The following RECQL5 variants were observed in gnomAD, a reference collection of about 807,000 sequenced individuals.
The protein encoded by RECQL5 is ATP-dependent DNA helicase Q5.
Under a neutral mutation model 103.4 loss-of-function variants are expected in RECQL5, and 88 were observed. The observed-to-expected ratio is 0.85, with a 90% CI of 0.72 to 1.02. RECQL5 has a LOEUF of 1.02. RECQL5 is among the 50% of genes least tolerant of loss of function. The pLI, the probability that RECQL5 is intolerant of heterozygous loss-of-function variation, is 0.00. For synonymous variants in RECQL5, 552 were observed against 507.9 expected (o/e 1.09, Z -1.17); for missense variants, 1,232 against 1,284.3 (o/e 0.96, Z 0.62).
At chr17:75,665,353 T>C (rs2059754679) in intron 2 of RECQL5, among the ~76,000 whole-genome samples, 181 bp from the exon 3 acceptor site, 1 of 152,206 alleles carries the variant, frequency 6.6e-6, no homozygotes, top group African/African-American at 2.4e-5. Flanking sequence ...CTGGGAAACT[T>C]GGATACATGC....
chr17:75,631,614 GGCGCAGGCAGGC>G lies in RECQL5; in HGVS notation c.1272_1283del (p.Pro425_Ala428del). 1 of 1,612,526 alleles carries G rather than the reference GGCGCAGGCAGGC, an allele frequency of 6.2e-7. No homozygotes were observed. Among genetic ancestry groups the G allele is most frequent in the Non-Finnish European group, 8.5e-7 (1 of 1,179,846 alleles). On this transcript the variant is annotated inframe_deletion, in exon 9 of 20. Transcript: ENST00000317905. ...GGTTCTGGCAGTGGTCGCAGCCTTT[GGCGCAGGCAGGC>G]AGCGCATCCCCGAAGTACTTGGCAA... is the stretch of plus-strand genomic sequence containing the variant.
chr17:75,641,058 C>G (rs1400094039), intron 8 of RECQL5: 3 of 1,269,050 alleles, frequency 2.4e-6, no homozygotes, highest in Non-Finnish European at 3.2e-6. Flanking sequence ...TGAGCCCTAC[C>G]AAGGAAACAA....
intron 8 of RECQL5, chr17:75,646,299 G>C (rs1317434676): frequency 6.6e-6 from 1 of 152,378 alleles, no homozygotes; most frequent in African/African-American, 2.4e-5. Context: ...CCCAGCCCCA[G>C]GGCTTCCTGA....
Position 75,640,180 on chromosome 17 carries a change from CCCAACAGGAAGCCAGCG to C in RECQL5, c.1230-8529_1230-8513del. 6.5e-7 allele frequency: 1 copy of C among 1,536,200 alleles called. No individual in the cohort carries two copies. The highest frequency in any genetic ancestry group is 8.8e-7 in the Non-Finnish European group (1 of 1,141,078). ...TGCCCCAGCAGAGCCCGGCAGGAGCCCCAACAGGAAGCCAGCGCGGCATGGCTGCCACCGACTTCGTG... is the reference window on the plus strand; with the variant it reads ...TGCCCCAGCAGAGCCCGGCAGGAGCCCGGCATGGCTGCCACCGACTTCGTG... On this transcript the variant is annotated intron_variant, in intron 8 of 19. Transcript: ENST00000317905. The surrounding 1 kb of genome is among the most constrained non-coding windows in gnomAD (Gnocchi z 4.6).
Position 75,631,684 on chromosome 17 carries a change from C to A in RECQL5, c.1230-16G>T, listed in dbSNP as rs575595326. 6.2e-7 allele frequency: 1 copy of A among 1,607,302 alleles called. No homozygotes were observed. Among genetic ancestry groups the A allele is most frequent in the South Asian group, 1.1e-5 (1 of 90,882 alleles). On this transcript the variant is annotated splice_polypyrimidine_tract_variant and intron_variant, in intron 8 of 19. Transcript: ENST00000317905. ...ATGGCGGCACCTGGAGCAGGCAGCA[C>A]CGCAGAGGTGAGGGGCGGAGAGCCC...
rs144686095 is a variant in RECQL5, at chr17:75,640,061, A to G, written c.1230-8393T>C. 1.1e-3 allele frequency: 1,368 copies of G among 1,261,172 alleles called. 12 individuals are homozygous for G. In the African/African-American group the frequency reaches 0.018, roughly 16 times the overall value. The allele number at this position is 1,261,172 out of a possible 1,614,324, so 78.1% of individuals were successfully genotyped here. A position where few individuals can be genotyped will look rare whatever the true frequency, so the allele number is the denominator to read the frequency against. On this transcript the variant is annotated intron_variant, in intron 8 of 19. Transcript: ENST00000317905. The surrounding 1 kb of genome is among the most constrained non-coding windows in gnomAD (Gnocchi z 4.6). Reference sequence around the variant, plus strand: ...AGGGGTGCAATGTGTGAGACCTGACAAACTTGTTCTGCGGGCTGCGGATGG... The same window carrying G: ...AGGGGTGCAATGTGTGAGACCTGACGAACTTGTTCTGCGGGCTGCGGATGG...
At chr17:75,641,075 G>A in intron 8 of RECQL5, 1 of 1,177,368 alleles carries the variant, frequency 8.5e-7, no homozygotes, top group Non-Finnish European at 1.2e-6. Context: ...ACAAGGGCTG[G>A]TATAGGTGCA....
chr17:75,628,651 C>A (rs1430550649), intron 17 of RECQL5, 21 bp downstream of exon 17: 1 of 1,574,732 alleles, frequency 6.4e-7, no homozygotes, highest in African/African-American at 1.4e-5. Flanking sequence ...TCCTCCCCAA[C>A]AGACTCATCC....
Position 75,629,416 on chromosome 17 carries a change from G to A in RECQL5, c.2007C>T (p.Ala669=). Residue 669 remains alanine, a synonymous_variant, in exon 16 of 20, where the codon GCC becomes GCT. Coordinates refer to ENST00000317905, the MANE Select transcript of RECQL5 (RefSeq NM_004259.7). ...FPKGSCPFQT[A]TELMETTRIR... Reference sequence around the variant, plus strand: ...TCCGAGTTGTCTCCATCAGTTCCGTGGCCGTCTGGAACGGGCAGGAGCCTT... The same window carrying A: ...TCCGAGTTGTCTCCATCAGTTCCGTAGCCGTCTGGAACGGGCAGGAGCCTT... 1.3e-6 allele frequency: 2 copies of A among 1,506,436 alleles called. No homozygotes were observed. The highest frequency in any genetic ancestry group is 1.4e-5 in the South Asian group (1 of 72,658). 93.3% of individuals were successfully genotyped at this position (1,506,436 alleles called of 1,614,324 possible).
At chr17:75,660,430 G>A (rs954446808) in intron 6 of RECQL5, among the ~76,000 whole-genome samples, 19 of 152,158 alleles carry the variant, frequency 1.2e-4, no homozygotes, top group African/African-American at 4.3e-4. Flanking sequence ...ACATTACGGT[G>A]GATAGTCTTT....
At chr17:75,663,605 C>T (rs1362495759) in intron 3 of RECQL5, among the ~76,000 whole-genome samples, 1 of 152,080 alleles carries the variant, frequency 6.6e-6, no homozygotes, top group East Asian at 1.9e-4. Context: ...GTTTAGAGCA[C>T]AGGCTCTGAA....
Position 75,665,126 on chromosome 17 carries a change from G to C in RECQL5, c.177C>G (p.Ser59=), listed in dbSNP as rs759089360. 1 of 1,612,092 alleles carries C rather than the reference G, an allele frequency of 6.2e-7. No individual in the cohort carries two copies. Among genetic ancestry groups the C allele is most frequent in the South Asian group, 1.1e-5 (1 of 90,656 alleles). The change falls in exon 3 of 20, where the codon TCC becomes TCG. Residue 59 remains serine, a synonymous_variant. Transcript: ENST00000317905. ...ACAGAGCAGGGAGCTGATAGCATAG[G>C]GATTTTCCTGCCCCTGTGGGCATGC... ...FVCMPTGAGK[S]LCYQLPALLA... is the part of the protein sequence containing the mutation.
chr17:75,633,369 A>T, intron 8 of RECQL5: 1 of 1,187,034 alleles, frequency 8.4e-7, no homozygotes, highest in Non-Finnish European at 1.1e-6. Context: ...CAACCAGGCA[A>T]ATGTCACAGG....
rs115634779 is a variant in RECQL5 at position 75,649,952 on chromosome 17, C to T, written c.1229+1234G>A. ...GCAGAGGCCCTTGGGAGGACCTGTT[C>T]CCTTGCCTGGCAGGCGGAGCAGACC... On this transcript the variant is annotated intron_variant, in intron 8 of 19. Transcript: ENST00000317905. The T allele has an allele frequency of 2.2e-5, 22 of 985,436 alleles. No individual in the cohort carries two copies. The African/African-American group carries it at 3.7e-4, about 16-fold the overall frequency. 61.0% of individuals were successfully genotyped at this position (985,436 alleles called of 1,614,324 possible). A position where few individuals can be genotyped will look rare whatever the true frequency, so the allele number is the denominator to read the frequency against.
Position 75,650,700 on chromosome 17 carries a change from G to A in RECQL5, c.1229+486C>T, listed in dbSNP as rs57608326. 13,022 of 1,613,788 alleles carry A rather than the reference G, an allele frequency of 8.1e-3. 664 individuals carry two copies. In the African/African-American group the frequency reaches 0.12, roughly 15 times the overall value. Reference sequence around the variant, plus strand: ...ACCAAGCAGCCCTCAGACTCTTTCCGTGGCCCCTGCCCCATCGCCTGCAGA... The same window carrying A: ...ACCAAGCAGCCCTCAGACTCTTTCCATGGCCCCTGCCCCATCGCCTGCAGA... On this transcript the variant is annotated intron_variant, in intron 8 of 19. Transcript: ENST00000317905.
chr17:75,628,867 G>A (rs1213181513), intron 16 of RECQL5, 67 bp downstream of exon 16: 18 of 1,585,806 alleles, frequency 1.1e-5, no homozygotes, highest in Middle Eastern at 1.7e-4. Flanking sequence ...AGCTTCAGAC[G>A]CCCAGTGAGC....
chr17:75,642,504 C>T (rs2059446029), intron 8 of RECQL5, among the ~76,000 whole-genome samples: 1 of 152,184 alleles, frequency 6.6e-6, no homozygotes, highest in Non-Finnish European at 1.5e-5. Context: ...CTAGTGTCCA[C>T]GGACTTGTCT....
At chr17:75,646,941 G>A (rs966168291) in intron 8 of RECQL5, among the ~76,000 whole-genome samples, 27 of 152,314 alleles carry the variant, frequency 1.8e-4, no homozygotes, top group Admixed American at 9.2e-4. Flanking sequence ...GCCCCTCCTC[G>A]GCTCCTATAC....
rs10221231 is a variant in RECQL5, at chr17:75,658,562, G to A, written c.987-102C>T. On this transcript the variant is annotated intron_variant, in intron 6 of 19. Coordinates refer to ENST00000317905, the MANE Select transcript of RECQL5 (RefSeq NM_004259.7). ...GAGAGCAGGGAGGCCAGCAGATAGG[G>A]AGGGAGAGGGATAGTCCCAGAGTTA... The A allele has an allele frequency of 4.8e-4, 498 of 1,039,892 alleles. 1 individual carries two copies. In the African/African-American group the frequency reaches 7.2e-3, roughly 15 times the overall value. 64.4% of individuals were successfully genotyped at this position (1,039,892 alleles called of 1,614,324 possible).
Sources: gnomAD v4.1 joint callset for allele counts (sites outside exome capture counted in the v4.1 genomes callset) on GRCh38, gnomAD v4.1.1 for gene constraint, Gnocchi (gnomAD v3.1) non-coding constraint, MANE v1.5 for transcripts, NCBI Gene and HGNC (gene_info 2026-07-23, HGNC 2026-07-21) for gene names.